The following PDE4D variants were observed in gnomAD, a reference collection of about 807,000 sequenced individuals.
PDE4D encodes the protein 3',5'-cyclic-AMP phosphodiesterase 4D.
PDE4D carries 24 observed loss-of-function variants against 87.4 expected under a neutral mutation model. The ratio of observed to expected loss-of-function variants is 0.27; its 90% CI spans 0.20 to 0.39. The LOEUF is 0.39. Ranked by LOEUF, PDE4D falls within the 10% of genes least tolerant of loss-of-function variation. The pLI, the probability that PDE4D is intolerant of heterozygous loss-of-function variation, is 1.00. For synonymous variants in PDE4D, 384 were observed against 383.2 expected (o/e 1.00, Z -0.02); for missense variants, 714 against 1,041.0 (o/e 0.69, Z 4.32).
At chr5:58,990,173 G>A (rs1441997601) in intron 9 of PDE4D, among the ~76,000 whole-genome samples, 2 of 152,138 alleles carry the variant, frequency 1.3e-5, no homozygotes, top group Non-Finnish European at 2.9e-5. Flanking sequence ...TCAGGAATGA[G>A]GTGCCAACTC....
rs1444768310 is a variant in PDE4D at position 60,280,327 on chromosome 5, A to ATATATATATATATATAT, written c.-89-94641_-89-94640insATATATATATATATATA. ...CTATATACATACATATATATATATA[A>ATATATATATATATATAT]ATATATATACACACATATATATAAA... On this transcript the variant is annotated intron_variant, in intron 1 of 16. Transcript: ENST00000502484. Among the ~76,000 whole-genome samples the ATATATATATATATATAT allele has an allele frequency of 9.8e-5, 14 of 142,618 alleles. No individual in the cohort carries two copies. In the South Asian group the frequency reaches 1.9e-3, roughly 20 times the overall value. 93.6% of individuals were successfully genotyped at this position (142,618 alleles called of 152,430 possible).
intron 1 of PDE4D, among the ~76,000 whole-genome samples, chr5:60,213,475 T>C (rs562324129): frequency 6.6e-6 from 1 of 152,302 alleles, no homozygotes; most frequent in Admixed American, 6.5e-5. Context: ...ATGATTCTCT[T>C]GAGACCAGTC....
intron 1 of PDE4D, among the ~76,000 whole-genome samples, chr5:59,497,027 G>A (rs568563595): frequency 6.6e-6 from 1 of 152,180 alleles, no homozygotes; most frequent in Admixed American, 6.5e-5. Flanking sequence ...ACTACAAGAA[G>A]CAACGTCTCA....
At chr5:60,325,105 T>A (rs1468607797) in intron 1 of PDE4D, among the ~76,000 whole-genome samples, 2 of 152,188 alleles carry the variant, frequency 1.3e-5, no homozygotes, top group Admixed American at 1.3e-4. Context: ...ATTCTAAGCC[T>A]TAAAAACAAA....
chr5:59,161,084 G>T (rs1292414437), intron 5 of PDE4D, among the ~76,000 whole-genome samples: 1 of 152,136 alleles, frequency 6.6e-6, no homozygotes. Flanking sequence ...AACAGAGAGA[G>T]ACTCCGTCCC....
Position 59,144,793 on chromosome 5 carries a change from T to C in PDE4D, c.808+35802A>G, listed in dbSNP as rs529949698. Among the ~76,000 whole-genome samples, 12 of 146,186 alleles carry C rather than the reference T, an allele frequency of 8.2e-5. No individual in the cohort carries two copies. In the South Asian group the frequency reaches 2.4e-3, roughly 29 times the overall value. The stretch of plus-strand genomic sequence containing the variant: ...ATATAAATCACATCAAGCCAAAATA[T>C]CAGCCTAGTTAAGTTGCTTGACCCA... On this transcript the variant is annotated intron_variant, in intron 5 of 14. Transcript: ENST00000340635.
intron 1 of PDE4D, among the ~76,000 whole-genome samples, chr5:59,488,991 T>TAA (rs1805681097): frequency 6.6e-6 from 1 of 152,008 alleles, no homozygotes; most frequent in Admixed American, 6.6e-5. Context: ...ATTTTAATAT[T>TAA]AATAAGGATT....
At chr5:59,408,722 T>C (rs1449128710) in intron 1 of PDE4D, among the ~76,000 whole-genome samples, 2 of 152,192 alleles carry the variant, frequency 1.3e-5, no homozygotes, top group African/African-American at 2.4e-5. Flanking sequence ...CTTACATCAG[T>C]GTGACCTGGA....
intron 1 of PDE4D, among the ~76,000 whole-genome samples, chr5:60,254,400 C>A (rs1748820699): frequency 6.6e-6 from 1 of 151,936 alleles, no homozygotes; most frequent in Admixed American, 6.6e-5. Flanking sequence ...TGTCCAGCCC[C>A]TGCCTTTAAG....
chr5:59,648,092 G>C (rs535656409), intron 1 of PDE4D, among the ~76,000 whole-genome samples: 1 of 152,088 alleles, frequency 6.6e-6, no homozygotes, highest in East Asian at 1.9e-4. Context: ...ACTGCTAATA[G>C]AGTGAAACAC....
intron 1 of PDE4D, among the ~76,000 whole-genome samples, chr5:60,229,355 C>G (rs976912753): frequency 6.6e-6 from 1 of 152,158 alleles, no homozygotes; most frequent in South Asian, 2.1e-4. Flanking sequence ...ATTCCTCTCA[C>G]AAGGTTAACA....
At chr5:59,873,529 A>T (rs2152739462) in intron 1 of PDE4D, among the ~76,000 whole-genome samples, 1 of 152,344 alleles carries the variant, frequency 6.6e-6, no homozygotes, top group African/African-American at 2.4e-5. Flanking sequence ...TTAAAAGGGC[A>T]TGAGATTCTA....
chr5:59,944,550 T>G (rs1757534984), intron 3 of PDE4D, among the ~76,000 whole-genome samples: 1 of 152,120 alleles, frequency 6.6e-6, no homozygotes, highest in Non-Finnish European at 1.5e-5. Context: ...TTTTTGTATT[T>G]TTAGTAGAGA....
At chr5:59,574,125 TATTTATATATATATATATAA>T (rs1822628422) in intron 1 of PDE4D, among the ~76,000 whole-genome samples, 1 of 3,824 alleles carries the variant, frequency 2.6e-4, no homozygotes, top group African/African-American at 5.2e-4. Flanking sequence ...TATAAATATA[TATTTATATATATATATATAA>T]ATATATATTT....
At chr5:59,683,674 G>A (rs901401846) in intron 1 of PDE4D, among the ~76,000 whole-genome samples, 4 of 152,044 alleles carry the variant, frequency 2.6e-5, no homozygotes, top group Non-Finnish European at 4.4e-5. Context: ...CTGCTAAATC[G>A]TTCCATTACA....
chr5:59,521,829 G>C (rs957171667), intron 1 of PDE4D, among the ~76,000 whole-genome samples: 1 of 152,056 alleles, frequency 6.6e-6, no homozygotes, highest in Admixed American at 6.5e-5. Context: ...TGTAATTCTA[G>C]ATCTGTCACC....
Position 59,261,043 on chromosome 5 carries a change from G to A in PDE4D, c.456-45075C>T, listed in dbSNP as rs138628889. Among the ~76,000 whole-genome samples, 55 of 151,798 alleles carry A rather than the reference G, an allele frequency of 3.6e-4. No individual in the cohort carries two copies. In the East Asian group the frequency reaches 0.011, roughly 29 times the overall value. On this transcript the variant is annotated intron_variant, in intron 1 of 14. Transcript: ENST00000340635. ...GGAGCTGCTGTAACTGCACACAAAT[G>A]GTATAGTAGTCCAGATGTATGACTG...
intron 3 of PDE4D, among the ~76,000 whole-genome samples, chr5:59,969,426 G>T (rs1290651643): frequency 6.6e-6 from 1 of 152,176 alleles, no homozygotes; most frequent in Non-Finnish European, 1.5e-5. Context: ...TATTAAGGTT[G>T]AAAGAAGATG....
At chr5:59,446,604 A>C (rs1431742853) in intron 1 of PDE4D, among the ~76,000 whole-genome samples, 2 of 152,266 alleles carry the variant, frequency 1.3e-5, no homozygotes. Context: ...GTCATCAATG[A>C]ATTTCAAAAA....
Sources: allele counts gnomAD v4.1 joint callset (sites outside exome capture counted in the v4.1 genomes callset), GRCh38; gene constraint gnomAD v4.1.1; transcripts MANE v1.5; gene names NCBI Gene and HGNC (gene_info 2026-07-23, HGNC 2026-07-21).